Variants in ADGRL3 observed in about 807,000 individuals in gnomAD.
ADGRL3 encodes the protein adhesion G protein-coupled receptor L3.
A neutral mutation model predicts 153.5 loss-of-function variants in ADGRL3; 62 were observed. The observed-to-expected ratio is 0.40, with a 90% CI of 0.33 to 0.50. The LOEUF is 0.50. Among genes scored for constraint, ADGRL3 ranks in the 20% least tolerant of loss-of-function variants. The pLI is 0.47. For missense variants in ADGRL3, 1,641 were observed against 1,859.4 expected, an observed-to-expected ratio of 0.88 and a Z score of 2.16; for synonymous variants, 710 against 672.5, an observed-to-expected ratio of 1.06 and a Z score of -0.86.
intron 1 of ADGRL3, among the ~76,000 whole-genome samples, chr4:61,297,526 G>A (rs376284462): frequency 4.6e-5 from 7 of 152,068 alleles, no homozygotes; most frequent in African/African-American, 1.2e-4. Flanking sequence ...TTGAATTTCC[G>A]TAAAGTTTTA....
At chr4:61,593,656 T>C (rs541116513) in intron 5 of ADGRL3, among the ~76,000 whole-genome samples, 47 of 152,308 alleles carry the variant, frequency 3.1e-4, no homozygotes, top group Non-Finnish European at 5.3e-4. Context: ...TGTTGTCAGA[T>C]ACATTGGAGC....
intron 1 of ADGRL3, among the ~76,000 whole-genome samples, chr4:61,267,318 C>T (rs2092909977): frequency 6.6e-6 from 1 of 151,682 alleles, no homozygotes; most frequent in Non-Finnish European, 1.5e-5. Context: ...TGCTCCCTCC[C>T]CTAAGAAGGA....
At chr4:61,421,880 C>G (rs184316450) in intron 2 of ADGRL3, among the ~76,000 whole-genome samples, 2 of 152,110 alleles carry the variant, frequency 1.3e-5, no homozygotes, top group South Asian at 2.1e-4. Context: ...ATAAATATGA[C>G]TTTTCTTCAT....
intron 24 of ADGRL3, among the ~76,000 whole-genome samples, chr4:62,042,243 C>T (rs1001108432): frequency 6.6e-6 from 1 of 151,612 alleles, no homozygotes; most frequent in Non-Finnish European, 1.5e-5. Context: ...AAATATTAGA[C>T]ATTAAATGGA....
intron 11 of ADGRL3, among the ~76,000 whole-genome samples, chr4:61,901,325 A>T (rs1034051658): frequency 1.3e-5 from 2 of 152,202 alleles, no homozygotes; most frequent in Non-Finnish European, 2.9e-5. Flanking sequence ...TCTAGAAATA[A>T]TGTTGCCATT....
At chr4:61,351,912 A>G (rs922289764) in intron 1 of ADGRL3, among the ~76,000 whole-genome samples, 2 of 152,216 alleles carry the variant, frequency 1.3e-5, no homozygotes, top group African/African-American at 4.8e-5. Flanking sequence ...ATTGAAGTGC[A>G]GTAATTTCAA....
At chr4:61,891,559 A>G (rs183423883) in intron 9 of ADGRL3, among the ~76,000 whole-genome samples, 2 of 152,280 alleles carry the variant, frequency 1.3e-5, no homozygotes, top group African/African-American at 4.8e-5. Context: ...TATACACCAA[A>G]TACATTGTGA....
chr4:61,843,416 A>T (rs2098063802), intron 9 of ADGRL3, among the ~76,000 whole-genome samples: 2 of 152,116 alleles, frequency 1.3e-5, no homozygotes, highest in Admixed American at 1.3e-4. Context: ...ATTATAAATA[A>T]TGCTGGTGTG....
intron 5 of ADGRL3, among the ~76,000 whole-genome samples, chr4:61,647,733 C>A (rs7689482): frequency 0.019 from 2,849 of 150,468 alleles, 80 homozygotes; most frequent in South Asian, 0.062. Flanking sequence ...AGACTTTTCA[C>A]ACTGAAATTC....
At chr4:61,228,816 C>T (rs1404307353) in intron 1 of ADGRL3, among the ~76,000 whole-genome samples, 1 of 152,138 alleles carries the variant, frequency 6.6e-6, no homozygotes, top group Non-Finnish European at 1.5e-5. Context: ...CCTCAACCTC[C>T]CTAGAGCTGG....
chr4:61,297,564 AT>A (rs930555254), intron 1 of ADGRL3, among the ~76,000 whole-genome samples: 1 of 151,284 alleles, frequency 6.6e-6, no homozygotes, highest in Admixed American at 6.6e-5. Flanking sequence ...TTAACAAAAC[AT>A]TTTTTTTCCT....
intron 5 of ADGRL3, among the ~76,000 whole-genome samples, chr4:61,675,966 G>A (rs1039324086): frequency 2.6e-5 from 4 of 151,394 alleles, no homozygotes; most frequent in Non-Finnish European, 4.4e-5. Context: ...CCCTCACTCC[G>A]TTCCCAGCCT....
At chr4:61,827,284 T>C (rs1388248185) in intron 9 of ADGRL3, among the ~76,000 whole-genome samples, 1 of 152,154 alleles carries the variant, frequency 6.6e-6, no homozygotes, top group Non-Finnish European at 1.5e-5. Context: ...TCACGGATAG[T>C]GTTAGACTTT....
chr4:61,755,096 T>C (rs1434273549), intron 8 of ADGRL3, among the ~76,000 whole-genome samples: 1 of 152,206 alleles, frequency 6.6e-6, no homozygotes, highest in Admixed American at 6.5e-5. Context: ...CATGTGTCTT[T>C]ACAGCAGCAT....
chr4:61,593,887 AT>A (rs1477290322), intron 5 of ADGRL3, among the ~76,000 whole-genome samples: 2 of 151,968 alleles, frequency 1.3e-5, no homozygotes, highest in East Asian at 3.9e-4. Flanking sequence ...ATCCCTATGA[AT>A]CCCCCTTGTC....
rs183068472 is a variant in ADGRL3, at chr4:61,420,927, A to G, written c.-174+37738A>G. On this transcript the variant is annotated intron_variant, in intron 2 of 26. Transcript: ENST00000683033. ...AATTCCACTCTAGTTATTTTGTAGT[A>G]TTAGTGGAAGGCCTATATTCAAGTT... 1.8e-4 allele frequency among the ~76,000 whole-genome samples: 28 copies of G among 152,158 alleles called. 1 individual carries two copies. The East Asian group carries it at 2.1e-3, about 12-fold the overall frequency.
intron 8 of ADGRL3, among the ~76,000 whole-genome samples, chr4:61,771,726 C>G (rs1476355778): frequency 6.6e-6 from 1 of 152,070 alleles, no homozygotes; most frequent in East Asian, 1.9e-4. Flanking sequence ...CACTCCCCAC[C>G]ACCTTTTTTA....
At chr4:61,235,289 G>GTGAT (rs1372072788) in intron 1 of ADGRL3, among the ~76,000 whole-genome samples, 1 of 152,030 alleles carries the variant, frequency 6.6e-6, no homozygotes, top group East Asian at 1.9e-4. Context: ...CTCTGTATTT[G>GTGAT]TGATAATTAA....
At chr4:61,963,655 G>A (rs759468345) in intron 17 of ADGRL3, among the ~76,000 whole-genome samples, 2 of 151,852 alleles carry the variant, frequency 1.3e-5, no homozygotes, top group African/African-American at 4.8e-5. Flanking sequence ...TCTTTTTCTG[G>A]TCCACCATTA....
Sources: gnomAD v4.1 joint callset for allele counts (sites outside exome capture counted in the v4.1 genomes callset) on GRCh38, gnomAD v4.1.1 for gene constraint, MANE v1.5 for transcripts, NCBI Gene and HGNC (gene_info 2026-07-23, HGNC 2026-07-21) for gene names.